The following SNX19 variants were observed in gnomAD, a reference collection of about 807,000 sequenced individuals.
SNX19 encodes the protein sorting nexin-19.
SNX19 carries 60 observed loss-of-function variants against 85.2 expected under a neutral mutation model. That is an observed-to-expected ratio of 0.70 (90% CI 0.57 to 0.87). The LOEUF is 0.87. Ranked by LOEUF, SNX19 falls within the 40% of genes least tolerant of loss-of-function variation. The probability of loss-of-function intolerance (pLI) is 0.00; values close to 1 mark genes in which losing one functional copy is unlikely to be tolerated. For missense variants in SNX19, 1,201 were observed against 1,217.8 expected (o/e 0.99, Z 0.21); for synonymous variants, 520 against 470.0 (o/e 1.11, Z -1.38).
In SNX19 at chr11:130,911,736, G is replaced by C. The variant is rs143960839; in HGVS notation, c.1710C>G (p.Gly570=). 4.3e-4 allele frequency: 696 copies of C among 1,614,196 alleles called. 2 individuals carry two copies. The African/African-American group carries it at 8.6e-3, about 20-fold the overall frequency. ...CAGTGTGGTAGGCCAGCTGCTGCAG[G>C]CCGCTGCTGTTTTCACCGTCAAGGG... ...ETALDGENSS[G]LQQLAYHTVN... Residue 570 remains glycine (G), a synonymous_variant, in exon 2 of 11, where the codon GGC becomes GGG. Coordinates refer to ENST00000265909, the MANE Select transcript of SNX19 (RefSeq NM_014758.3).
intron 8 of SNX19, among the ~76,000 whole-genome samples, chr11:130,890,057 A>G (rs1944391380): frequency 6.6e-6 from 1 of 152,190 alleles, no homozygotes; most frequent in Admixed American, 6.5e-5. Context: ...CTAATCTATT[A>G]CTTTAGTAAG....
At position 130,873,029 on chromosome 11, in the gene SNX19, T is replaced by C. The variant is rs554564865; in HGVS notation, c.*5393A>G. On this transcript the variant is annotated 3_prime_UTR_variant, in exon 11 of 11. Transcript: ENST00000265909. ...CAGCAGAGGAGTGTGATAATCATGC[T>C]GTCAACATTTTTAGAGCATAGCACT... 2.0e-4 allele frequency among the ~76,000 whole-genome samples: 30 copies of C among 152,310 alleles called. No individual in the cohort carries two copies. Among genetic ancestry groups the C allele is most frequent in the African/African-American group, 7.2e-4 (30 of 41,574 alleles).
At chr11:130,895,030 C>T in intron 8 of SNX19, 1 of 985,370 alleles carries the variant, frequency 1.0e-6, no homozygotes, top group Non-Finnish European at 1.2e-6. Flanking sequence ...CTTCAAAGTC[C>T]AAGTTCTTGC....
intron 8 of SNX19, among the ~76,000 whole-genome samples, chr11:130,894,408 G>T (rs1944722420): frequency 6.6e-6 from 1 of 152,198 alleles, no homozygotes; most frequent in African/African-American, 2.4e-5. Context: ...AAGGGTGAAA[G>T]ATCAAAGAAA....
intron 8 of SNX19, among the ~76,000 whole-genome samples, chr11:130,902,264 G>A (rs958671815): frequency 3.3e-5 from 5 of 152,198 alleles, no homozygotes; most frequent in African/African-American, 9.6e-5. Context: ...ATAGATAAGC[G>A]CTTAGCAAAT....
At chr11:130,894,953 A>G (rs1944148) in intron 8 of SNX19, 634,881 of 985,148 alleles carry the variant, frequency 0.64, 205,879 homozygotes, top group South Asian at 0.8. Flanking sequence ...ACAGTAACAG[A>G]CAAAGGAAGT....
chr11:130,890,459 T>A (rs954060441), intron 8 of SNX19, among the ~76,000 whole-genome samples: 4 of 152,240 alleles, frequency 2.6e-5, no homozygotes, highest in African/African-American at 9.6e-5. Flanking sequence ...CATCTGTTTA[T>A]GTTTTGTAAA....
chr11:130,884,255 C>T (rs1410595784), intron 8 of SNX19, among the ~76,000 whole-genome samples: 1 of 152,172 alleles, frequency 6.6e-6, no homozygotes, highest in Admixed American at 6.5e-5. Flanking sequence ...GCACGGAAGA[C>T]AAAGACATTA....
chr11:130,879,578 G>C (rs1340196733), intron 10 of SNX19, 46 bp downstream of exon 10: 3 of 1,533,372 alleles, frequency 2.0e-6, no homozygotes, highest in South Asian at 2.2e-5. Context: ...TGAGACCAGA[G>C]GTGGCTGTAA....
In SNX19 at chr11:130,874,475, C is replaced by T. The variant is rs1565495612; in HGVS notation, c.*3947G>A. ...GAAGGCAGGCAGTCTGAGAGCACAG[C>T]TGACCTAATTAGAATGGCAAGGAAG... On this transcript the variant is annotated 3_prime_UTR_variant, in exon 11 of 11. Coordinates refer to ENST00000265909, the MANE Select transcript of SNX19 (RefSeq NM_014758.3). 6.6e-6 allele frequency among the ~76,000 whole-genome samples: 1 copy of T among 152,220 alleles called. No homozygotes were observed. Among genetic ancestry groups the T allele is most frequent in the Non-Finnish European group, 1.5e-5 (1 of 68,034 alleles).
intron 8 of SNX19, among the ~76,000 whole-genome samples, chr11:130,884,890 A>AAAG (rs1565511868): frequency 3.4e-5 from 5 of 145,566 alleles, no homozygotes; most frequent in Admixed American, 6.8e-5. Flanking sequence ...AAAAAAAAAA[A>AAAG]AAATTACTTA....
Position 130,878,174 on chromosome 11 carries a change from C to T in SNX19, c.*248G>A. 3 of 337,204 alleles carry T rather than the reference C, an allele frequency of 8.9e-6. No individual in the cohort carries two copies. Among genetic ancestry groups the T allele is most frequent in the Non-Finnish European group, 1.1e-5 (2 of 183,474 alleles). The allele number at this position is 337,204 out of a possible 1,614,324, so 20.9% of individuals were successfully genotyped here. A position where few individuals can be genotyped will look rare whatever the true frequency, so the allele number is the denominator to read the frequency against. On this transcript the variant is annotated 3_prime_UTR_variant, in exon 11 of 11. Transcript: ENST00000265909. Reference sequence around the variant, plus strand: ...TCACAGCTTCTTTTCCCAAAGGAAACAGGATCTACTCACCAGCAACAATCC... The same window carrying T: ...TCACAGCTTCTTTTCCCAAAGGAAATAGGATCTACTCACCAGCAACAATCC...
chr11:130,905,689 T>A (rs1364657362), intron 7 of SNX19: 6 of 1,522,510 alleles, frequency 3.9e-6, no homozygotes, highest in Non-Finnish European at 5.3e-6. Context: ...GTTTAATGAG[T>A]TATCAATATT....
At position 130,869,605 on chromosome 11, in the gene SNX19, G is replaced by A. The variant is rs1211847422; in HGVS notation, c.*8817C>T. 2.0e-5 allele frequency: 3 copies of A among 152,280 alleles called. No homozygotes were observed. In the East Asian group the frequency reaches 5.8e-4, roughly 29 times the overall value. 9.4% of individuals were successfully genotyped at this position (152,280 alleles called of 1,614,324 possible). A position where few individuals can be genotyped will look rare whatever the true frequency, so the allele number is the denominator to read the frequency against. ...AAACTTTCTGAGTCTCAGAATCTGG[G>A]ACTTAAAATCAGGGGAAGAGATGTG... On this transcript the variant is annotated 3_prime_UTR_variant, in exon 11 of 11. Coordinates refer to ENST00000265909, the MANE Select transcript of SNX19 (RefSeq NM_014758.3).
Position 130,873,606 on chromosome 11 carries a change from T to C in SNX19, c.*4816A>G, listed in dbSNP as rs1316395074. ...AGAAAATGGGGATATATTAGATTGG[T>C]GCAAAAGTAATTGCATTAAAATGGC... On this transcript the variant is annotated 3_prime_UTR_variant, in exon 11 of 11. Coordinates refer to ENST00000265909, the MANE Select transcript of SNX19 (RefSeq NM_014758.3). Among the ~76,000 whole-genome samples, 4 of 152,200 alleles carry C rather than the reference T, an allele frequency of 2.6e-5. No homozygotes were observed. The South Asian group carries it at 8.3e-4, about 32-fold the overall frequency.
At chr11:130,890,805 A>G (rs912272095) in intron 8 of SNX19, among the ~76,000 whole-genome samples, 2 of 152,004 alleles carry the variant, frequency 1.3e-5, no homozygotes, top group African/African-American at 4.8e-5. Context: ...AGTTCTTTTC[A>G]AAGCACTGAT....
chr11:130,886,907 C>T (rs573852922), intron 8 of SNX19, among the ~76,000 whole-genome samples: 1 of 152,320 alleles, frequency 6.6e-6, no homozygotes, highest in South Asian at 2.1e-4. Context: ...CTGCTGCCCT[C>T]TGACTGTGTA....
intron 8 of SNX19, among the ~76,000 whole-genome samples, chr11:130,898,452 C>A (rs1185979444): frequency 1.3e-5 from 2 of 152,170 alleles, no homozygotes; most frequent in Non-Finnish European, 2.9e-5. Context: ...CACCAACTAT[C>A]CTGCTCTTTT....
At chr11:130,888,346 T>A (rs1944237631) in intron 8 of SNX19, among the ~76,000 whole-genome samples, 1 of 152,212 alleles carries the variant, frequency 6.6e-6, no homozygotes, top group South Asian at 2.1e-4. Context: ...AGTGCTCTAT[T>A]ACTAGAAATT....
Sources: gnomAD v4.1 joint callset for allele counts (sites outside exome capture counted in the v4.1 genomes callset) on GRCh38, gnomAD v4.1.1 for gene constraint, MANE v1.5 for transcripts, NCBI Gene and HGNC (gene_info 2026-07-23, HGNC 2026-07-21) for gene names.